Variants in MECR observed in about 807,000 individuals in gnomAD.
MECR encodes the protein enoyl-[acyl-carrier-protein] reductase, mitochondrial.
Under a neutral mutation model 49.1 loss-of-function variants are expected in MECR, and 37 were observed. The ratio of observed to expected loss-of-function variants is 0.75; its 90% CI spans 0.58 to 0.99. The LOEUF (loss-of-function observed/expected upper bound fraction) is 0.99, where lower values mean the gene tolerates loss of function less well. MECR is among the 50% of genes least tolerant of loss of function. The probability of loss-of-function intolerance (pLI) is 0.00; values close to 1 mark genes in which losing one functional copy is unlikely to be tolerated. For missense variants in MECR, 470 were observed against 479.6 expected, an observed-to-expected ratio of 0.98 and a Z score of 0.19; for synonymous variants, 198 against 191.1, an observed-to-expected ratio of 1.04 and a Z score of -0.30.
chr1:29,180,412 A>T, the MECR span, among the ~76,000 whole-genome samples: 1 of 152,244 alleles, frequency 6.6e-6, no homozygotes, highest in South Asian at 2.1e-4. Flanking sequence ...AGACGTCCTC[A>T]GAAAGAAAAC....
At chr1:29,211,357 T>A (rs1014089794) in intron 3 of MECR, among the ~76,000 whole-genome samples, 6 of 152,264 alleles carry the variant, frequency 3.9e-5, no homozygotes, top group Admixed American at 6.5e-5. Context: ...TGAGCCACCA[T>A]GCCTGGTCCT....
intron 2 of MECR, among the ~76,000 whole-genome samples, 157 bp from the exon 3 acceptor site, chr1:29,216,293 A>G (rs1679389361): frequency 6.6e-6 from 1 of 152,156 alleles, no homozygotes; most frequent in Non-Finnish European, 1.5e-5. Context: ...GTATAGGGGG[A>G]CAATATTCTT....
intron 4 of MECR, among the ~76,000 whole-genome samples, chr1:29,204,682 T>G (rs942628857): frequency 2.0e-5 from 3 of 152,088 alleles, no homozygotes; most frequent in African/African-American, 7.2e-5. Flanking sequence ...AGTGGAGAGG[T>G]GTGCAGTGGG....
intron 5 of MECR, 136 bp downstream of exon 5, chr1:29,202,995 G>A (rs951191311): frequency 1.7e-5 from 11 of 633,384 alleles, no homozygotes; most frequent in Middle Eastern, 4.2e-4. Context: ...TGTTTCAGCC[G>A]CCAACTGTTA....
intron 4 of MECR, among the ~76,000 whole-genome samples, chr1:29,203,701 G>A (rs558747659): frequency 2.0e-5 from 3 of 152,278 alleles, no homozygotes; most frequent in Admixed American, 6.5e-5. Flanking sequence ...AGTGCTCTGT[G>A]GGCATCTGTA....
chr1:29,203,303 G>T, intron 4 of MECR, 70 bp from the exon 5 acceptor site: 1 of 1,282,382 alleles, frequency 7.8e-7, no homozygotes, highest in Non-Finnish European at 1.1e-6. Context: ...CTCCCAGCCG[G>T]GGATCCTTCT....
chr1:29,199,757 T>TA (rs1216987385), intron 7 of MECR, among the ~76,000 whole-genome samples: 2 of 151,886 alleles, frequency 1.3e-5, no homozygotes, highest in Admixed American at 6.6e-5. Context: ...TAGCTGGGAT[T>TA]ACAGGTGCCT....
At chr1:29,215,432 G>A (rs1455480336) in intron 3 of MECR, among the ~76,000 whole-genome samples, 3 of 152,034 alleles carry the variant, frequency 2.0e-5, no homozygotes, top group African/African-American at 7.2e-5. Context: ...ACAAAAATTT[G>A]TCGGGCGTGA....
chr1:29,201,254 A>T lies in MECR; in HGVS notation c.757-665T>A, dbSNP rs759253654. 3.2e-5 allele frequency: 12 copies of T among 374,444 alleles called. No individual in the cohort carries two copies. Among genetic ancestry groups the T allele is most frequent in the Non-Finnish European group, 6.0e-5 (11 of 183,506 alleles). The allele number at this position is 374,444 out of a possible 1,614,324, so 23.2% of individuals were successfully genotyped here. On this transcript the variant is annotated intron_variant, in intron 6 of 9. Coordinates refer to ENST00000263702, the MANE Select transcript of MECR (RefSeq NM_016011.5). The surrounding 1 kb of genome is among the most constrained non-coding windows in gnomAD (Gnocchi z 4.3). ...CCTTTTCAGTTCTTTGACTCAGCTGATATTATATATGCTGATCTACTGCTT... is the reference window on the plus strand; with the variant it reads ...CCTTTTCAGTTCTTTGACTCAGCTGTTATTATATATGCTGATCTACTGCTT...
Position 29,201,886 on chromosome 1 carries a change from A to C in MECR, c.756+57T>G. 3.5e-6 allele frequency: 5 copies of C among 1,409,272 alleles called. No homozygotes were observed. The highest frequency in any genetic ancestry group is 5.0e-6 in the Non-Finnish European group (5 of 995,248). 87.3% of individuals were successfully genotyped at this position (1,409,272 alleles called of 1,614,324 possible). ...TCCCCAGTTTCTCTAATGCATGTCA[A>C]CTTTCTTCAGGGAGATGTGCGTGGA... On this transcript the variant is annotated intron_variant, in intron 6 of 9. Transcript: ENST00000263702. This position sits in a 1 kb window ranked among gnomAD's most constrained non-coding sequence, Gnocchi z 4.3.
intron 1 of MECR, among the ~76,000 whole-genome samples, chr1:29,226,041 C>T (rs1247102438): frequency 7.9e-5 from 12 of 151,850 alleles, no homozygotes; most frequent in African/African-American, 1.7e-4. Context: ...TGGTGGCACG[C>T]GCCTGTAATC....
intron 1 of MECR, among the ~76,000 whole-genome samples, chr1:29,225,898 G>A (rs1050060150): frequency 5.9e-5 from 9 of 152,182 alleles, no homozygotes; most frequent in African/African-American, 1.7e-4. Context: ...GCCGGGTGCC[G>A]TGGCTCATGC....
intron 1 of MECR, among the ~76,000 whole-genome samples, chr1:29,217,244 G>C (rs1574453809): frequency 7.4e-6 from 1 of 134,898 alleles, no homozygotes; most frequent in Admixed American, 8.0e-5. Context: ...GAGTCTCACT[G>C]TGTCACCCAG....
At chr1:29,203,342 G>C in intron 4 of MECR, 109 bp from the exon 5 acceptor site, 1 of 769,922 alleles carries the variant, frequency 1.3e-6, no homozygotes, top group South Asian at 1.8e-5. Context: ...AGGCTCAACA[G>C]GGACCCAGGA....
downstream of MECR, among the ~76,000 whole-genome samples, chr1:29,188,503 C>T (rs1673069273): frequency 6.6e-6 from 1 of 152,190 alleles, no homozygotes; most frequent in Non-Finnish European, 1.5e-5. Flanking sequence ...TGCGCCTGGC[C>T]TCCATTTACC....
chr1:29,208,150 G>A (rs1041464144), intron 3 of MECR, among the ~76,000 whole-genome samples: 3 of 152,030 alleles, frequency 2.0e-5, no homozygotes, highest in African/African-American at 4.8e-5. Flanking sequence ...CTGCCACCAC[G>A]CCCGGCTAAT....
At chr1:29,198,401 A>C (rs939527004) in intron 7 of MECR, among the ~76,000 whole-genome samples, 2 of 152,220 alleles carry the variant, frequency 1.3e-5, no homozygotes, top group Non-Finnish European at 2.9e-5. Context: ...ACAGCTAGTA[A>C]GTCACAGAGC....
At chr1:29,216,288 G>C in intron 2 of MECR, 152 bp from the exon 3 acceptor site, 1 of 860,260 alleles carries the variant, frequency 1.2e-6, no homozygotes, top group South Asian at 1.7e-5. Context: ...TGTCTGTATA[G>C]GGGGACAATA....
At chr1:29,169,496 A>C in the MECR span, 1 of 152,254 alleles carries the variant, frequency 6.6e-6, no homozygotes, top group Non-Finnish European at 1.5e-5. Context: ...GTGTGTGCTA[A>C]TACCAGTAAG....
Sources: allele counts gnomAD v4.1 joint callset (sites outside exome capture counted in the v4.1 genomes callset), GRCh38; gene constraint gnomAD v4.1.1; non-coding constraint Gnocchi (gnomAD v3.1); transcripts MANE v1.5; gene names NCBI Gene and HGNC (gene_info 2026-07-23, HGNC 2026-07-21).